Variants in CDC42SE2 observed in about 807,000 individuals in gnomAD.
CDC42SE2 encodes the protein CDC42 small effector protein 2.
In CDC42SE2, 3 loss-of-function variants were observed where a neutral mutation model predicts 11.5. The ratio of observed to expected loss-of-function variants is 0.26; its 90% CI spans 0.12 to 0.67. CDC42SE2 has a LOEUF of 0.67. Among genes scored for constraint, CDC42SE2 ranks in the 30% least tolerant of loss-of-function variants. The pLI is 0.80. For synonymous variants in CDC42SE2, 33 were observed against 34.8 expected, an observed-to-expected ratio of 0.95 and a Z score of 0.18; for missense variants, 82 against 106.8, an observed-to-expected ratio of 0.77 and a Z score of 1.02.
the CDC42SE2 span, among the ~76,000 whole-genome samples, chr5:131,230,172 A>C: frequency 6.6e-6 from 1 of 152,066 alleles, no homozygotes. Context: ...GCCTCCTTTT[A>C]ATTTCGCATA....
chr5:131,307,984 T>C (rs1163777431), intron 1 of CDC42SE2, among the ~76,000 whole-genome samples: 1 of 152,172 alleles, frequency 6.6e-6, no homozygotes, highest in African/African-American at 2.4e-5. Flanking sequence ...GTCAGATGAG[T>C]AGGTTGCGAA....
chr5:131,264,389 TTC>T (rs1756808318), intron 1 of CDC42SE2, among the ~76,000 whole-genome samples: 1 of 152,176 alleles, frequency 6.6e-6, no homozygotes, highest in Admixed American at 6.5e-5. Flanking sequence ...TTGGTTTTTC[TTC>T]TGTTTCCTCT....
chr5:131,268,461 T>C (rs868231327), intron 1 of CDC42SE2, among the ~76,000 whole-genome samples: 1 of 151,832 alleles, frequency 6.6e-6, no homozygotes, highest in African/African-American at 2.4e-5. Flanking sequence ...CTTTTCTTTT[T>C]TTTTTTCTGA....
chr5:131,250,031 A>T (rs1030384266), intron 1 of CDC42SE2, among the ~76,000 whole-genome samples: 11 of 152,248 alleles, frequency 7.2e-5, no homozygotes, highest in African/African-American at 2.7e-4. Context: ...CTAAACAACA[A>T]CAAAAACAGA....
At chr5:131,384,735 C>CTAAAGT (rs1260842976) in intron 3 of CDC42SE2, among the ~76,000 whole-genome samples, 1 of 151,890 alleles carries the variant, frequency 6.6e-6, no homozygotes, top group Non-Finnish European at 1.5e-5. Context: ...CAGCTGGTGG[C>CTAAAGT]TAAAGTTACT....
At chr5:131,268,008 T>G (rs1756906434) in intron 1 of CDC42SE2, among the ~76,000 whole-genome samples, 1 of 151,354 alleles carries the variant, frequency 6.6e-6, no homozygotes. Context: ...AGTTTTCCTG[T>G]GTCGTCTTGA....
At chr5:131,307,892 T>C (rs1381995467) in intron 1 of CDC42SE2, among the ~76,000 whole-genome samples, 1 of 152,238 alleles carries the variant, frequency 6.6e-6, no homozygotes, top group Non-Finnish European at 1.5e-5. Flanking sequence ...CTCATATCCT[T>C]CGCCCACTTT....
At chr5:131,388,368 T>G (rs1750551355) in intron 4 of CDC42SE2, among the ~76,000 whole-genome samples, 1 of 152,166 alleles carries the variant, frequency 6.6e-6, no homozygotes, top group Non-Finnish European at 1.5e-5. Flanking sequence ...AATTATGTTC[T>G]CCTATGCAAT....
At chr5:131,300,000 G>A (rs1757648716) in intron 1 of CDC42SE2, among the ~76,000 whole-genome samples, 1 of 152,170 alleles carries the variant, frequency 6.6e-6, no homozygotes, top group Non-Finnish European at 1.5e-5. Flanking sequence ...GCCTGTCACA[G>A]TATCTGACAT....
At chr5:131,278,285 A>G (rs552749259) in intron 1 of CDC42SE2, among the ~76,000 whole-genome samples, 10 of 152,280 alleles carry the variant, frequency 6.6e-5, no homozygotes, top group Admixed American at 2.6e-4. Context: ...CGCCTGGCCT[A>G]TTCTTCCTTG....
chr5:131,382,760 C>CT (rs1750362165), intron 3 of CDC42SE2, among the ~76,000 whole-genome samples: 1 of 152,196 alleles, frequency 6.6e-6, no homozygotes, highest in Non-Finnish European at 1.5e-5. Context: ...GCTTCCCTCT[C>CT]TACCTGTCAG....
At chr5:131,341,455 C>T (rs1758710938) in intron 2 of CDC42SE2, among the ~76,000 whole-genome samples, 1 of 152,104 alleles carries the variant, frequency 6.6e-6, no homozygotes, top group Non-Finnish European at 1.5e-5. Flanking sequence ...AATCAAATAT[C>T]AAATGTAAGG....
At position 131,359,250 on chromosome 5, in the gene CDC42SE2, A is replaced by G. The variant is rs535450556; in HGVS notation, c.-244A>G. On this transcript the variant is annotated 5_prime_UTR_variant, in exon 3 of 5. The change creates a new upstream start codon in the 5' untranslated region. Transcript: ENST00000505065. ...CCTGGGTCAAGACAACAATTTTTAT[A>G]CCTTCGTCGTGGTTCAGAAAGGAGT... The G allele has an allele frequency of 1.9e-6, 1 of 530,130 alleles. No individual in the cohort carries two copies. The highest frequency in any genetic ancestry group is 3.4e-6 in the Non-Finnish European group (1 of 297,986). 32.8% of individuals were successfully genotyped at this position (530,130 alleles called of 1,614,324 possible).
Position 131,341,895 on chromosome 5 carries a change from C to CA in CDC42SE2, c.-285-17312dup, listed in dbSNP as rs748967130. Among the ~76,000 whole-genome samples, 611 of 115,522 alleles carry CA rather than the reference C, an allele frequency of 5.3e-3. 5 individuals carry two copies. Among genetic ancestry groups the CA allele is most frequent in the Middle Eastern group, 0.015 (3 of 200 alleles). 75.8% of individuals were successfully genotyped at this position (115,522 alleles called of 152,430 possible). A position where few individuals can be genotyped will look rare whatever the true frequency, so the allele number is the denominator to read the frequency against. Reference sequence around the variant, plus strand: ...GGGCAACAGAGCAAGACTCTTGTCTCAATAAAAAAAAAAAAAGATAGCTAA... The same window carrying CA: ...GGGCAACAGAGCAAGACTCTTGTCTCAAATAAAAAAAAAAAAAGATAGCTAA... On this transcript the variant is annotated intron_variant, in intron 2 of 4. Coordinates refer to ENST00000505065, the MANE Select transcript of CDC42SE2 (RefSeq NM_001375635.1).
At chr5:131,217,826 G>T in the CDC42SE2 span, among the ~76,000 whole-genome samples, 1 of 152,150 alleles carries the variant, frequency 6.6e-6, no homozygotes, top group Non-Finnish European at 1.5e-5. Flanking sequence ...ACATATATCT[G>T]ATTTGTGTCC....
rs1749409193 is a variant in CDC42SE2, at chr5:131,353,325, G to A, written c.-285-5884G>A. On this transcript the variant is annotated intron_variant, in intron 2 of 4. Coordinates refer to ENST00000505065, the MANE Select transcript of CDC42SE2 (RefSeq NM_001375635.1). The stretch of plus-strand genomic sequence containing the variant: ...GAGACACGGTCTTGTTCTGTTGCCC[G>A]GGCTGGAGTGCAGTGGTATGATCCC... Among the ~76,000 whole-genome samples the A allele has an allele frequency of 4.0e-5, 6 of 149,980 alleles. No homozygotes were observed. In the South Asian group the frequency reaches 1.1e-3, roughly 26 times the overall value.
Position 131,312,727 on chromosome 5 carries a change from C to A in CDC42SE2, c.-454-3249C>A, listed in dbSNP as rs1393671207. Among the ~76,000 whole-genome samples the A allele has an allele frequency of 2.0e-5, 3 of 152,312 alleles. No homozygotes were observed. In the South Asian group the frequency reaches 6.2e-4, roughly 32 times the overall value. ...TCCAGGTGCCGTCCGTCACCCCTTT[C>A]TTTGACTAGGAAAGGGAACTCCCTG... On this transcript the variant is annotated intron_variant, in intron 1 of 4. Transcript: ENST00000505065.
intron 1 of CDC42SE2, among the ~76,000 whole-genome samples, chr5:131,275,239 A>T (rs183678655): frequency 6.6e-6 from 1 of 151,802 alleles, no homozygotes; most frequent in Non-Finnish European, 1.5e-5. Flanking sequence ...TGTTTCTTCA[A>T]TTCTGAGTGT....
At chr5:131,365,825 AC>A (rs1407705350) in intron 3 of CDC42SE2, among the ~76,000 whole-genome samples, 1 of 152,190 alleles carries the variant, frequency 6.6e-6, no homozygotes, top group Admixed American at 6.5e-5. Flanking sequence ...TACTAAAAAT[AC>A]AAAAAATTAG....
Sources: gnomAD v4.1 joint callset for allele counts (sites outside exome capture counted in the v4.1 genomes callset) on GRCh38, gnomAD v4.1.1 for gene constraint, MANE v1.5 for transcripts, NCBI Gene and HGNC (gene_info 2026-07-23, HGNC 2026-07-21) for gene names.